The following CHD5 variants were observed in gnomAD, a reference collection of about 807,000 sequenced individuals.
The protein encoded by CHD5 is chromodomain helicase DNA binding protein 5, also known as ATP-dependent chromatin remodeler CHD5.
CHD5 carries 69 observed loss-of-function variants against 230.3 expected under a neutral mutation model. That is an observed-to-expected ratio of 0.30 (90% CI 0.25 to 0.37). The LOEUF (loss-of-function observed/expected upper bound fraction) is 0.37, where lower values mean the gene tolerates loss of function less well. CHD5 is among the 10% of genes least tolerant of loss of function. CHD5 has a pLI of 1.00. For missense variants in CHD5, 1,827 were observed against 2,622.8 expected (o/e 0.70, Z 6.63); for synonymous variants, 1,064 against 1,065.9 (o/e 1.00, Z 0.03).
At chr1:6,106,030 C>T (rs751214871) in intron 41 of CHD5, among the ~76,000 whole-genome samples, 29 of 152,200 alleles carry the variant, frequency 1.9e-4, no homozygotes, top group Non-Finnish European at 4.0e-4. Context: ...TGGACAGACA[C>T]GCTGGCCACA....
At chr1:6,164,485 T>C (rs1489819642) in intron 2 of CHD5, among the ~76,000 whole-genome samples, 2 of 152,216 alleles carry the variant, frequency 1.3e-5, no homozygotes, top group South Asian at 4.1e-4. Flanking sequence ...AGCCCGGTTA[T>C]TTTATGTAAA....
At chr1:6,168,761 G>C (rs1667291622) in intron 1 of CHD5, among the ~76,000 whole-genome samples, 1 of 152,310 alleles carries the variant, frequency 6.6e-6, no homozygotes, top group Non-Finnish European at 1.5e-5. Context: ...GCTCACGCCT[G>C]TAATCCCAAC....
intron 33 of CHD5, chr1:6,113,323 C>A: frequency 4.5e-6 from 2 of 441,516 alleles, no homozygotes; most frequent in Non-Finnish European, 4.5e-6. Flanking sequence ...GTTCAGGAAG[C>A]TGAGGTGGGA....
chr1:6,143,162 C>T (rs1666856029), intron 13 of CHD5, among the ~76,000 whole-genome samples: 1 of 152,090 alleles, frequency 6.6e-6, no homozygotes, highest in Non-Finnish European at 1.5e-5. Flanking sequence ...AAGGGATTCT[C>T]CTACCTCAGC....
intron 2 of CHD5, among the ~76,000 whole-genome samples, chr1:6,164,943 C>T (rs1469266114): frequency 2.6e-5 from 4 of 152,002 alleles, no homozygotes; most frequent in Non-Finnish European, 5.9e-5. Flanking sequence ...AGAGGAGATG[C>T]CGAGAGGTTA....
rs377208243 is a variant in CHD5, at chr1:6,136,718, C to T, written c.2574+10G>A. 4.2e-5 allele frequency: 67 copies of T among 1,609,938 alleles called. No individual in the cohort carries two copies. Among genetic ancestry groups the T allele is most frequent in the Non-Finnish European group, 5.4e-5 (63 of 1,177,214 alleles). On this transcript the variant is annotated intron_variant, in intron 16 of 41. Coordinates refer to ENST00000262450, the MANE Select transcript of CHD5 (RefSeq NM_015557.3). ...GGAAGCTCTGGGGTCTGGCGGCCAG[C>T]GCCACCTACCTTGGACTGGTTGTTC...
chr1:6,171,207 T>C (rs1039914657), intron 1 of CHD5, among the ~76,000 whole-genome samples: 1 of 152,164 alleles, frequency 6.6e-6, no homozygotes, highest in East Asian at 1.9e-4. Context: ...GATCTGCCCG[T>C]GGGTAAGGGG....
chr1:6,159,518 G>T lies in CHD5; in HGVS notation c.208-3C>A. 1 of 1,594,008 alleles carries T rather than the reference G, an allele frequency of 6.3e-7. No homozygotes were observed. Among genetic ancestry groups the T allele is most frequent in the South Asian group, 1.1e-5 (1 of 88,240 alleles). The stretch of plus-strand genomic sequence containing the variant: ...TCTGATAGCTCATCATTGCTCCCCT[G>T]GAAAAGAAGGGGGACAGTGAGGGCA... On this transcript the variant is annotated splice_polypyrimidine_tract_variant and splice_region_variant and intron_variant, in intron 2 of 41. Transcript: ENST00000262450.
rs115682147 is a variant in CHD5 at position 6,178,005 on chromosome 1, G to A, written c.79+1940C>T. ...TGGGTAGAAGGCCCTGGAGGGGACC[G>A]GCAGGAGGGGACAGAGGCTTGGACC... On this transcript the variant is annotated intron_variant, in intron 1 of 41. Transcript: ENST00000262450. 6.7e-3 allele frequency among the ~76,000 whole-genome samples: 1,014 copies of A among 152,282 alleles called. 11 individuals are homozygous for A. The highest frequency in any genetic ancestry group is 0.023 in the African/African-American group (951 of 41,544).
chr1:6,169,033 A>AG (rs1553143407), intron 1 of CHD5, among the ~76,000 whole-genome samples: 62 of 143,794 alleles, frequency 4.3e-4, no homozygotes, highest in African/African-American at 6.1e-4. Flanking sequence ...AAAAAAAAAA[A>AG]AGAGAGAGAG....
intron 38 of CHD5, among the ~76,000 whole-genome samples, chr1:6,106,990 GGATGGAGGGAT>G (rs577326680): frequency 5.7e-4 from 80 of 140,022 alleles, no homozygotes; most frequent in African/African-American, 1.1e-3. Flanking sequence ...AGGGGTGGAA[GGATGGAGGGAT>G]GATGGAGGGA....
intron 1 of CHD5, among the ~76,000 whole-genome samples, chr1:6,177,810 G>A (rs140003390): frequency 3.0e-4 from 45 of 152,328 alleles, no homozygotes; most frequent in East Asian, 2.3e-3. Context: ...AGCGTGGAGC[G>A]TGGAGTGTTC....
At chr1:6,122,788 G>A (rs1456600043) in intron 31 of CHD5, among the ~76,000 whole-genome samples, 3 of 152,160 alleles carry the variant, frequency 2.0e-5, no homozygotes, top group African/African-American at 7.2e-5. Flanking sequence ...AAACGTTATC[G>A]GCCAGGCGCG....
At position 6,106,432 on chromosome 1, in the gene CHD5, G is replaced by A. The variant is rs536832382; in HGVS notation, c.5820C>T (p.Val1940=). 5.7e-6 allele frequency: 9 copies of A among 1,582,156 alleles called. No individual in the cohort carries two copies. In the East Asian group the frequency reaches 1.4e-4, roughly 25 times the overall value. ...GCCCCAGGGGCATCTGGTTGTAGTT[G>A]ACAATCCCTCCCGGTCCAGGGCCCC... ...NFRGPGPGGI[V]NYNQMPLGPY... is the part of the protein sequence containing the mutation. The change falls in exon 40 of 42, where the codon GTC becomes GTT. Residue 1940 remains valine (V), a synonymous_variant. Coordinates refer to ENST00000262450, the MANE Select transcript of CHD5 (RefSeq NM_015557.3).
intron 1 of CHD5, among the ~76,000 whole-genome samples, chr1:6,179,634 T>G (rs969326440): frequency 1.3e-5 from 2 of 149,954 alleles, no homozygotes; most frequent in African/African-American, 4.9e-5. Flanking sequence ...GGGCTGACCC[T>G]GACAGCGCCG....
chr1:6,105,174 C>A lies in CHD5; in HGVS notation c.*300G>T. 2.9e-6 allele frequency: 1 copy of A among 344,810 alleles called. No homozygotes were observed. Among genetic ancestry groups the A allele is most frequent in the South Asian group, 2.2e-5 (1 of 45,116 alleles). 21.4% of individuals were successfully genotyped at this position (344,810 alleles called of 1,614,324 possible). A position where few individuals can be genotyped will look rare whatever the true frequency, so the allele number is the denominator to read the frequency against. Reference sequence around the variant, plus strand: ...CAAAAGATGTACAAATAAATGAAATCTCTTCTAAGAAGTCGTCTGGAAAAG... The same window carrying A: ...CAAAAGATGTACAAATAAATGAAATATCTTCTAAGAAGTCGTCTGGAAAAG... On this transcript the variant is annotated 3_prime_UTR_variant, in exon 42 of 42. Coordinates refer to ENST00000262450, the MANE Select transcript of CHD5 (RefSeq NM_015557.3). The surrounding 1 kb of genome is among the most constrained non-coding windows in gnomAD (Gnocchi z 4.8).
intron 1 of CHD5, among the ~76,000 whole-genome samples, chr1:6,174,833 AAATGGATG>A (rs1381079159): frequency 6.8e-6 from 1 of 147,622 alleles, no homozygotes; most frequent in Non-Finnish European, 1.5e-5. Flanking sequence ...ACGGATGGAT[AAATGGATG>A]AATGGATGAA....
rs369417405 is a variant in CHD5, at chr1:6,101,961, C to G, written c.*3513G>C. ...CTTCCAAAGCTGGACCCGCCCCCGC[C>G]GGGGCCACCCTGGCTGGGACTCCTG... On this transcript the variant is annotated 3_prime_UTR_variant, in exon 42 of 42. Coordinates refer to ENST00000262450, the MANE Select transcript of CHD5 (RefSeq NM_015557.3). The G allele has an allele frequency of 4.8e-6, 2 of 418,884 alleles. No individual in the cohort carries two copies. Among genetic ancestry groups the G allele is most frequent in the Non-Finnish European group, 4.8e-6 (1 of 207,468 alleles). 25.9% of individuals were successfully genotyped at this position (418,884 alleles called of 1,614,324 possible). A position where few individuals can be genotyped will look rare whatever the true frequency, so the allele number is the denominator to read the frequency against.
At chr1:6,145,709 G>A (rs976185932) in intron 11 of CHD5, among the ~76,000 whole-genome samples, 4 of 152,206 alleles carry the variant, frequency 2.6e-5, no homozygotes, top group African/African-American at 9.7e-5. Flanking sequence ...CAGAAAGCAT[G>A]GGGTTCAAAT....
Sources: allele counts gnomAD v4.1 joint callset (sites outside exome capture counted in the v4.1 genomes callset), GRCh38; gene constraint gnomAD v4.1.1; non-coding constraint Gnocchi (gnomAD v3.1); transcripts MANE v1.5; gene names NCBI Gene and HGNC (gene_info 2026-07-23, HGNC 2026-07-21).